The following SLC8A1 variants were observed in gnomAD, a reference collection of about 807,000 sequenced individuals.
SLC8A1 encodes the protein sodium/calcium exchanger 1.
In SLC8A1, 18 loss-of-function variants were observed where a neutral mutation model predicts 68.3. The ratio of observed to expected loss-of-function variants is 0.26; its 90% CI spans 0.18 to 0.39. SLC8A1 has a LOEUF of 0.39. Ranked by LOEUF, SLC8A1 falls within the 10% of genes least tolerant of loss-of-function variation. The pLI is 1.00. For missense variants in SLC8A1, 985 were observed against 1,156.7 expected, an observed-to-expected ratio of 0.85 and a Z score of 2.15; for synonymous variants, 475 against 415.5, an observed-to-expected ratio of 1.14 and a Z score of -1.74.
intron 1 of SLC8A1, among the ~76,000 whole-genome samples, chr2:40,497,531 A>G (rs1705788616): frequency 6.6e-6 from 1 of 152,096 alleles, no homozygotes. Flanking sequence ...AGCCTCACAG[A>G]AAGAATGGTT....
In SLC8A1 at chr2:40,288,166, A is replaced by G. The variant is rs368347687; in HGVS notation, c.1809-110311T>C. Among the ~76,000 whole-genome samples, 5 of 152,170 alleles carry G rather than the reference A, an allele frequency of 3.3e-5. No individual in the cohort carries two copies. In the East Asian group the frequency reaches 7.8e-4, roughly 24 times the overall value. ...TTGCATTCATGATAGTGTTTTCATG[A>G]ATTTTCATCTAAAAACAAATAATAG... On this transcript the variant is annotated intron_variant, in intron 2 of 7. Coordinates refer to ENST00000406785, the Ensembl canonical transcript of SLC8A1.
At chr2:40,195,156 A>C (rs2052716810) in intron 2 of SLC8A1, among the ~76,000 whole-genome samples, 1 of 152,104 alleles carries the variant, frequency 6.6e-6, no homozygotes, top group Non-Finnish European at 1.5e-5. Context: ...ACAGGGAAGC[A>C]AAAACCAGTT....
intron 2 of SLC8A1, among the ~76,000 whole-genome samples, chr2:40,281,050 T>A (rs868505771): frequency 2.0e-5 from 3 of 152,348 alleles, no homozygotes; most frequent in African/African-American, 7.2e-5. Flanking sequence ...GTCTTGCACT[T>A]ATAACTTGCC....
intron 2 of SLC8A1, among the ~76,000 whole-genome samples, chr2:40,352,809 A>G (rs978287900): frequency 6.6e-6 from 1 of 152,168 alleles, no homozygotes; most frequent in Non-Finnish European, 1.5e-5. Flanking sequence ...CCAGGATTCC[A>G]CGTTACTAAG....
intron 2 of SLC8A1, among the ~76,000 whole-genome samples, chr2:40,354,184 C>G (rs73926616): frequency 0.019 from 2,967 of 152,238 alleles, 38 homozygotes; most frequent in Middle Eastern, 0.058. Flanking sequence ...TTTGTTTTCT[C>G]CCAACTTTGC....
At chr2:40,421,982 G>A (rs1290629752) in intron 2 of SLC8A1, among the ~76,000 whole-genome samples, 2 of 152,146 alleles carry the variant, frequency 1.3e-5, no homozygotes, top group Non-Finnish European at 2.9e-5. Flanking sequence ...GGGCCTTCTG[G>A]ACTTCCCACC....
At chr2:40,357,525 T>C (rs1415967981) in intron 2 of SLC8A1, among the ~76,000 whole-genome samples, 1 of 132,856 alleles carries the variant, frequency 7.5e-6, no homozygotes, top group African/African-American at 2.7e-5. Flanking sequence ...AAACACAAGA[T>C]GTAAACAGTA....
intron 2 of SLC8A1, among the ~76,000 whole-genome samples, chr2:40,364,895 G>A: frequency 6.6e-6 from 1 of 151,926 alleles, no homozygotes; most frequent in Non-Finnish European, 1.5e-5. Context: ...AAATGACAGG[G>A]AACAGCTTTG....
At chr2:40,171,014 ACTC>A (rs2047397727) in intron 4 of SLC8A1, among the ~76,000 whole-genome samples, 1 of 151,624 alleles carries the variant, frequency 6.6e-6, no homozygotes, top group Admixed American at 6.6e-5. Flanking sequence ...TTCTCATTGA[ACTC>A]CTGGTTCAGC....
intron 2 of SLC8A1, among the ~76,000 whole-genome samples, chr2:40,353,090 C>T (rs759377026): frequency 1.3e-5 from 2 of 152,162 alleles, no homozygotes; most frequent in African/African-American, 2.4e-5. Flanking sequence ...ACTCCTTGTG[C>T]ACCTATAACT....
upstream of SLC8A1, among the ~76,000 whole-genome samples, chr2:40,455,894 C>T (rs975695396): frequency 6.6e-6 from 1 of 152,218 alleles, no homozygotes; most frequent in Admixed American, 6.5e-5. Flanking sequence ...CTGGCAGACT[C>T]ACAGTCACAA....
exon 8 of SLC8A1, chr2:40,112,298 T>C (rs899491526): frequency 6.6e-6 from 1 of 152,246 alleles, no homozygotes; most frequent in Admixed American, 6.6e-5. Context: ...GTCAGTAATA[T>C]GTACCATTTA....
At chr2:40,493,309 C>T (rs1390810021) in intron 1 of SLC8A1, among the ~76,000 whole-genome samples, 2 of 127,372 alleles carry the variant, frequency 1.6e-5, no homozygotes, top group African/African-American at 6.2e-5. Flanking sequence ...AACACATGGA[C>T]ACAGGAAGGG....
chr2:40,254,161 TTA>T (rs1357141115), intron 2 of SLC8A1, among the ~76,000 whole-genome samples: 4 of 151,288 alleles, frequency 2.6e-5, no homozygotes, highest in Non-Finnish European at 5.9e-5. Context: ...TTTATAATCA[TTA>T]TGTCAACAAA....
intron 5 of SLC8A1, among the ~76,000 whole-genome samples, chr2:40,161,393 A>G (rs1427625780): frequency 6.6e-6 from 1 of 152,096 alleles, no homozygotes; most frequent in African/African-American, 2.4e-5. Context: ...TCTGGGTACT[A>G]TTTTGTCAGC....
At chr2:40,397,729 G>A (rs115506148) in intron 2 of SLC8A1, among the ~76,000 whole-genome samples, 479 of 152,264 alleles carry the variant, frequency 3.1e-3, no homozygotes, top group Middle Eastern at 0.01. Context: ...TTCTCACCAG[G>A]AGAACCACTC....
At chr2:40,140,663 G>A (rs1172436124) in intron 6 of SLC8A1, among the ~76,000 whole-genome samples, 4 of 152,336 alleles carry the variant, frequency 2.6e-5, no homozygotes, top group Admixed American at 2.6e-4. Context: ...ACATGTTCAT[G>A]TTCTCTTCTC....
chr2:40,225,638 G>C (rs1165077135), intron 2 of SLC8A1, among the ~76,000 whole-genome samples: 1 of 152,082 alleles, frequency 6.6e-6, no homozygotes, highest in Admixed American at 6.5e-5. Context: ...TTAAAACAAG[G>C]AACTTAATCT....
chr2:40,318,499 A>AG (rs2074770466), intron 2 of SLC8A1, among the ~76,000 whole-genome samples: 1 of 151,724 alleles, frequency 6.6e-6, no homozygotes, highest in African/African-American at 2.4e-5. Context: ...ACAGAAAAGA[A>AG]AAAAAAACTT....
Sources: allele counts gnomAD v4.1 joint callset (sites outside exome capture counted in the v4.1 genomes callset), GRCh38; gene constraint gnomAD v4.1.1; transcripts MANE v1.5; gene names NCBI Gene and HGNC (gene_info 2026-07-23, HGNC 2026-07-21).